DOK5: variants seen among roughly 807,000 people sequenced by gnomAD.
DOK5 encodes downstream of tyrosine kinase 5.
DOK5 carries 27 observed loss-of-function variants against 43.3 expected under a neutral mutation model. The ratio of observed to expected loss-of-function variants is 0.62; its 90% CI spans 0.46 to 0.86. The LOEUF (loss-of-function observed/expected upper bound fraction) is 0.86, where lower values mean the gene tolerates loss of function less well. Ranked by LOEUF, DOK5 falls within the 40% of genes least tolerant of loss-of-function variation. DOK5 has a pLI of 0.00. For missense variants in DOK5, 373 were observed against 392.9 expected (o/e 0.95, Z 0.43); for synonymous variants, 146 against 140.1 (o/e 1.04, Z -0.30).
intron 4 of DOK5, among the ~76,000 whole-genome samples, chr20:54,590,237 G>A (rs73276991): frequency 0.03 from 4,586 of 152,082 alleles, 222 homozygotes; most frequent in African/African-American, 0.1. Context: ...TAATAGCTCT[G>A]GTCTACAAGT....
At chr20:54,620,690 C>T (rs907309780) in intron 6 of DOK5, among the ~76,000 whole-genome samples, 1 of 152,164 alleles carries the variant, frequency 6.6e-6, no homozygotes, top group Non-Finnish European at 1.5e-5. Context: ...TTTTATTCAA[C>T]AGTAGTGCTT....
chr20:54,616,961 T>C (rs1986834067), intron 6 of DOK5, among the ~76,000 whole-genome samples: 1 of 151,824 alleles, frequency 6.6e-6, no homozygotes, highest in Non-Finnish European at 1.5e-5. Flanking sequence ...GGCTAATTTT[T>C]TTGTATTTTT....
chr20:54,517,398 C>A (rs1983233276), intron 1 of DOK5, among the ~76,000 whole-genome samples: 1 of 152,100 alleles, frequency 6.6e-6, no homozygotes, highest in South Asian at 2.1e-4. Flanking sequence ...TGTAGCCTAA[C>A]CACTGTGTAT....
At chr20:54,525,245 C>A (rs1165017476) in intron 1 of DOK5, among the ~76,000 whole-genome samples, 2 of 152,170 alleles carry the variant, frequency 1.3e-5, no homozygotes, top group African/African-American at 4.8e-5. Flanking sequence ...AAATTACCCA[C>A]CTGATTAACT....
intron 1 of DOK5, among the ~76,000 whole-genome samples, chr20:54,494,326 T>A (rs1461798851): frequency 6.6e-6 from 1 of 152,236 alleles, no homozygotes; most frequent in African/African-American, 2.4e-5. Flanking sequence ...CTCATTCATC[T>A]GGGGATATTT....
At chr20:54,636,244 A>G (rs925700192) in intron 6 of DOK5, among the ~76,000 whole-genome samples, 3 of 152,254 alleles carry the variant, frequency 2.0e-5, no homozygotes, top group Non-Finnish European at 4.4e-5. Context: ...TTTAGTTTAT[A>G]GTTTAAATGA....
At chr20:54,508,204 C>T (rs1356463197) in intron 1 of DOK5, among the ~76,000 whole-genome samples, 1 of 151,992 alleles carries the variant, frequency 6.6e-6, no homozygotes, top group Non-Finnish European at 1.5e-5. Flanking sequence ...AAGTAGAACT[C>T]CCAGTATTTG....
At chr20:54,603,501 T>C (rs1358642281) in intron 5 of DOK5, among the ~76,000 whole-genome samples, 1 of 152,238 alleles carries the variant, frequency 6.6e-6, no homozygotes, top group African/African-American at 2.4e-5. Context: ...AGAAAACCTC[T>C]TACCAGGTAT....
At chr20:54,610,606 T>G in intron 6 of DOK5, 83 bp downstream of exon 6, 2 of 1,310,206 alleles carry the variant, frequency 1.5e-6, no homozygotes, top group Non-Finnish European at 2.0e-6. Flanking sequence ...GAAAATATGG[T>G]CAGCATTATT....
intron 7 of DOK5, among the ~76,000 whole-genome samples, chr20:54,646,486 C>A (rs1979436319): frequency 6.6e-6 from 1 of 152,072 alleles, no homozygotes; most frequent in African/African-American, 2.4e-5. Context: ...CTTCTGAGCT[C>A]AAGTAGTCCT....
intron 5 of DOK5, among the ~76,000 whole-genome samples, chr20:54,595,019 TG>T (rs1568801608): frequency 3.4e-5 from 5 of 145,716 alleles, no homozygotes; most frequent in African/African-American, 1.4e-4. Flanking sequence ...GTATATGGGG[TG>T]TGTGTGTATG....
chr20:54,610,428 C>T lies in DOK5; in HGVS notation c.640C>T (p.Arg214Ter), dbSNP rs746485155. The T allele has an allele frequency of 6.9e-6, 11 of 1,597,822 alleles. No individual in the cohort carries two copies. Among genetic ancestry groups the T allele is most frequent in the Admixed American group, 3.5e-5 (2 of 56,704 alleles). Reference protein sequence around the residue: ...TGEGLFIFQTRDGEAIYQKVH... With the variant: ...TGEGLFIFQT Reference sequence around the variant, plus strand: ...TGAAGGGCTGTTTATCTTTCAGACCCGAGACGGGGAGGCCATCTATCAGAA... The same window carrying T: ...TGAAGGGCTGTTTATCTTTCAGACCTGAGACGGGGAGGCCATCTATCAGAA... Residue 214 changes from arginine to a stop codon, truncating the protein, a stop_gained, in exon 6 of 8, where the codon CGA becomes TGA. Transcript: ENST00000262593. LOFTEE classifies it high-confidence loss of function.
At chr20:54,610,655 C>A in intron 6 of DOK5, 132 bp downstream of exon 6, 3 of 1,085,738 alleles carry the variant, frequency 2.8e-6, no homozygotes, top group Non-Finnish European at 3.6e-6. Context: ...CAGTGTATCA[C>A]TTGGATTAAA....
chr20:54,528,816 A>G (rs1983666150), intron 1 of DOK5, among the ~76,000 whole-genome samples: 1 of 152,138 alleles, frequency 6.6e-6, no homozygotes, highest in Admixed American at 6.6e-5. Context: ...TTCTTTATAT[A>G]CTTTTGTACT....
chr20:54,605,268 A>G (rs767352506), intron 5 of DOK5, among the ~76,000 whole-genome samples: 8 of 152,198 alleles, frequency 5.3e-5, no homozygotes, highest in African/African-American at 9.6e-5. Flanking sequence ...AATTTATTTT[A>G]GTTTTCATAA....
chr20:54,541,786 G>A (rs556210059), intron 1 of DOK5, among the ~76,000 whole-genome samples: 12 of 152,082 alleles, frequency 7.9e-5, no homozygotes, highest in African/African-American at 1.7e-4. Flanking sequence ...GCTGACCCAC[G>A]CTCACCACCA....
intron 6 of DOK5, among the ~76,000 whole-genome samples, chr20:54,636,579 C>T (rs1272717710): frequency 6.6e-6 from 1 of 152,116 alleles, no homozygotes; most frequent in Non-Finnish European, 1.5e-5. Context: ...TTTTCCACAC[C>T]CTTATGATTG....
At chr20:54,633,893 A>G (rs988197161) in intron 6 of DOK5, among the ~76,000 whole-genome samples, 1 of 152,208 alleles carries the variant, frequency 6.6e-6, no homozygotes, top group Non-Finnish European at 1.5e-5. Context: ...GCAGAAAACA[A>G]TTACATCCTG....
At chr20:54,548,054 T>G (rs73140120) in intron 1 of DOK5, among the ~76,000 whole-genome samples, 5 of 152,222 alleles carry the variant, frequency 3.3e-5, no homozygotes, top group Non-Finnish European at 7.4e-5. Context: ...CCAGAGGTGC[T>G]ACTAAACATC....
Sources: gnomAD v4.1 joint callset for allele counts (sites outside exome capture counted in the v4.1 genomes callset) on GRCh38, gnomAD v4.1.1 for gene constraint, MANE v1.5 for transcripts, NCBI Gene and HGNC (gene_info 2026-07-23, HGNC 2026-07-21) for gene names.